The following FAIM2 variants were observed in gnomAD, a reference collection of about 807,000 sequenced individuals.
FAIM2 encodes protein lifeguard 2.
In FAIM2, 27 loss-of-function variants were observed where a neutral mutation model predicts 47.4. The ratio of observed to expected loss-of-function variants is 0.57; its 90% CI spans 0.42 to 0.78. FAIM2 has a LOEUF of 0.78. Among genes scored for constraint, FAIM2 ranks in the 30% least tolerant of loss-of-function variants. The pLI is 0.00. For synonymous variants in FAIM2, 156 were observed against 159.3 expected, an observed-to-expected ratio of 0.98 and a Z score of 0.16; for missense variants, 311 against 389.4, an observed-to-expected ratio of 0.80 and a Z score of 1.69.
intron 11 of FAIM2, among the ~76,000 whole-genome samples, chr12:49,878,938 ATG>A (rs1374743342): frequency 2.3e-5 from 3 of 132,532 alleles, no homozygotes; most frequent in South Asian, 2.7e-4. Context: ...ATGTGCATGC[ATG>A]TGTGTATGTT....
intron 11 of FAIM2, among the ~76,000 whole-genome samples, chr12:49,872,830 G>A (rs1245204441): frequency 1.3e-5 from 2 of 152,224 alleles, no homozygotes; most frequent in Non-Finnish European, 2.9e-5. Flanking sequence ...GGAGATGAGC[G>A]TGCCTGCCTC....
chr12:49,881,451 C>G (rs1946825039), intron 11 of FAIM2, among the ~76,000 whole-genome samples: 1 of 152,092 alleles, frequency 6.6e-6, no homozygotes, highest in Non-Finnish European at 1.5e-5. Flanking sequence ...TTAGGGGGCT[C>G]AGAGACCTTA....
rs779775046 is a variant in FAIM2 at position 49,901,177 on chromosome 12, G to A, written c.164C>T (p.Ala55Val). The A allele has an allele frequency of 4.4e-6, 7 of 1,607,520 alleles. No individual in the cohort carries two copies. Among genetic ancestry groups the A allele is most frequent in the African/African-American group, 2.7e-5 (2 of 74,460 alleles). ...AGGGTGGAGAGGCACCGCTGTGGGG[G>A]CTGGGGGGAAGGCCCCTGCCTTCAT... ...EGMKAGAFPPAPTAVPLHPSW... is the reference protein window; with the variant it reads ...EGMKAGAFPPVPTAVPLHPSW... Residue 55 changes from alanine to valine, a missense_variant, in exon 2 of 12, where the codon GCC (alanine) becomes GTC (valine). Transcript: ENST00000320634.
At chr12:49,901,489 G>C (rs1038800240) in intron 1 of FAIM2, 164 bp from the exon 2 acceptor site, 1 of 567,462 alleles carries the variant, frequency 1.8e-6, no homozygotes, top group Non-Finnish European at 3.0e-6. Context: ...ATAGACAAGA[G>C]AACTAAGCTC....
Position 49,901,115 on chromosome 12 carries a change from A to T in FAIM2, c.211+15T>A. The T allele has an allele frequency of 6.4e-7, 1 of 1,554,414 alleles. No individual in the cohort carries two copies. Among genetic ancestry groups the T allele is most frequent in the Non-Finnish European group, 8.6e-7 (1 of 1,157,430 alleles). On this transcript the variant is annotated intron_variant, in intron 2 of 11. Transcript: ENST00000320634. ...ACCCCATGATGCTTCAGGTTCCAGG[A>T]GCTGAAAGACTTACTGGGGTCCACA...
In FAIM2 at chr12:49,870,368, G is replaced by GGCTGT. The variant is rs1251448513; in HGVS notation, c.*135_*136insACAGC. On this transcript the variant is annotated 3_prime_UTR_variant, in exon 12 of 12. Transcript: ENST00000320634. ...GTACAAGCGGCAGAGGGCTGGGCTGGGCTGGGGTAGACAGTGACCTGGCCA... is the reference window on the plus strand; with the variant it reads ...GTACAAGCGGCAGAGGGCTGGGCTGGGCTGTGCTGGGGTAGACAGTGACCTGGCCA... 1.3e-6 allele frequency: 1 copy of GGCTGT among 793,288 alleles called. No individual in the cohort carries two copies. The highest frequency in any genetic ancestry group is 1.7e-5 in the African/African-American group (1 of 58,328). 49.1% of individuals were successfully genotyped at this position (793,288 alleles called of 1,614,324 possible).
intron 11 of FAIM2, among the ~76,000 whole-genome samples, chr12:49,877,139 G>A (rs1176152369): frequency 1.3e-5 from 2 of 152,244 alleles, no homozygotes; most frequent in African/African-American, 2.4e-5. Context: ...CCAGGCAGGT[G>A]TGGAGCTGCC....
At chr12:49,878,506 ATATG>A (rs1156893564) in intron 11 of FAIM2, among the ~76,000 whole-genome samples, 4 of 64,094 alleles carry the variant, frequency 6.2e-5, no homozygotes, top group Non-Finnish European at 8.4e-5. Context: ...GCATGTGTGT[ATATG>A]TGTGCATATG....
At chr12:49,879,599 TGC>T (rs1459246498) in intron 11 of FAIM2, among the ~76,000 whole-genome samples, 5 of 151,798 alleles carry the variant, frequency 3.3e-5, no homozygotes, top group Admixed American at 6.6e-5. Context: ...TTTGTGTGCA[TGC>T]GAGTGTATGT....
chr12:49,875,258 C>G (rs1946728431), intron 11 of FAIM2, among the ~76,000 whole-genome samples: 1 of 152,198 alleles, frequency 6.6e-6, no homozygotes, highest in Non-Finnish European at 1.5e-5. Flanking sequence ...AGGTGTCGCA[C>G]TATCAGCTCC....
intron 11 of FAIM2, among the ~76,000 whole-genome samples, chr12:49,883,176 G>A (rs549672518): frequency 2.6e-5 from 4 of 152,232 alleles, no homozygotes; most frequent in South Asian, 2.1e-4. Context: ...TGTGGGAAGC[G>A]ATTGCGGGAT....
chr12:49,872,148 G>A (rs114956532), intron 11 of FAIM2, among the ~76,000 whole-genome samples: 213 of 152,322 alleles, frequency 1.4e-3, no homozygotes, highest in African/African-American at 4.5e-3. Context: ...ACACAAAGCC[G>A]TGCCTGCCTT....
chr12:49,878,577 TATATGTAC>T lies in FAIM2; in HGVS notation c.802-7932_802-7925del, dbSNP rs1946764435. ...ATGTGTGAGTGTATATGTTCATGTG[TATATGTAC>T]ATGTGTATGTGTATGTGTGCATGTG... On this transcript the variant is annotated intron_variant, in intron 11 of 11. Transcript: ENST00000320634. Among the ~76,000 whole-genome samples the T allele has an allele frequency of 1.7e-5, 2 of 120,420 alleles. 1 individual carries two copies. Among genetic ancestry groups the T allele is most frequent in the Non-Finnish European group, 3.5e-5 (2 of 57,690 alleles). 79.0% of individuals were successfully genotyped at this position (120,420 alleles called of 152,430 possible).
chr12:49,880,900 G>GTGTC (rs540378741), intron 11 of FAIM2, among the ~76,000 whole-genome samples: 2,012 of 152,030 alleles, frequency 0.013, 21 homozygotes, highest in South Asian at 0.025. Flanking sequence ...GTGTGTGTGT[G>GTGTC]TCTCTCTGGA....
chr12:49,897,399 C>T (rs1437542111), intron 4 of FAIM2, 120 bp downstream of exon 4: 17 of 929,540 alleles, frequency 1.8e-5, no homozygotes, highest in Non-Finnish European at 1.7e-6. Context: ...AGGAGGAGGC[C>T]CACTGCCCCA....
At chr12:49,892,314 A>G (rs1946906097) in intron 5 of FAIM2, among the ~76,000 whole-genome samples, 1 of 151,836 alleles carries the variant, frequency 6.6e-6, no homozygotes, top group African/African-American at 2.4e-5. Flanking sequence ...CTCTCCTCCC[A>G]CACAAGCCTC....
chr12:49,889,366 AC>A, intron 9 of FAIM2, 114 bp downstream of exon 9: 1 of 1,059,330 alleles, frequency 9.4e-7, no homozygotes. Context: ...AACCCAACTC[AC>A]CCCCTTTACT....
intron 11 of FAIM2, among the ~76,000 whole-genome samples, chr12:49,871,993 C>G (rs1946706501): frequency 6.6e-6 from 1 of 152,174 alleles, no homozygotes; most frequent in Admixed American, 6.5e-5. Context: ...TACATTGATT[C>G]ACATTCTTGT....
At chr12:49,900,496 C>T (rs911184893) in intron 2 of FAIM2, among the ~76,000 whole-genome samples, 1 of 152,152 alleles carries the variant, frequency 6.6e-6, no homozygotes, top group African/African-American at 2.4e-5. Context: ...AGGAATCTGG[C>T]ATCCACCTGG....
Sources: gnomAD v4.1 joint callset for allele counts (sites outside exome capture counted in the v4.1 genomes callset) on GRCh38, gnomAD v4.1.1 for gene constraint, MANE v1.5 for transcripts, NCBI Gene and HGNC (gene_info 2026-07-23, HGNC 2026-07-21) for gene names.